RBM19: variants seen among roughly 807,000 people sequenced by gnomAD.
The protein encoded by RBM19 is RNA binding motif protein 19.
In RBM19, 94 loss-of-function variants were observed where a neutral mutation model predicts 116.8. That is an observed-to-expected ratio of 0.80 (90% CI 0.68 to 0.95). The LOEUF (loss-of-function observed/expected upper bound fraction) is 0.95. RBM19 is among the 40% of genes least tolerant of loss of function. The probability of loss-of-function intolerance (pLI) is 0.00; values close to 1 mark genes in which losing one functional copy is unlikely to be tolerated. For synonymous variants in RBM19, 475 were observed against 494.1 expected (o/e 0.96, Z 0.51); for missense variants, 1,161 against 1,220.7 (o/e 0.95, Z 0.73).
At chr12:113,904,373 G>C (rs1242201593) in intron 21 of RBM19, among the ~76,000 whole-genome samples, 1 of 152,190 alleles carries the variant, frequency 6.6e-6, no homozygotes, top group African/African-American at 2.4e-5. Context: ...GACAGCACAG[G>C]AAGAGTATCT....
intron 22 of RBM19, among the ~76,000 whole-genome samples, chr12:113,851,981 G>C (rs1246546732): frequency 6.6e-6 from 1 of 152,032 alleles, no homozygotes; most frequent in South Asian, 2.1e-4. Flanking sequence ...AACCGAGGAG[G>C]TGGAGGTTGC....
At chr12:113,935,990 C>G (rs1382582512) in intron 16 of RBM19, among the ~76,000 whole-genome samples, 2 of 151,892 alleles carry the variant, frequency 1.3e-5, no homozygotes, top group South Asian at 4.2e-4. Context: ...GAGCCAAGAT[C>G]GCGCACTCCA....
In RBM19 at chr12:113,927,224, CA is replaced by C; in HGVS notation, c.2073del (p.Asp692MetfsTer55). 6.4e-7 allele frequency: 1 copy of C among 1,556,790 alleles called. No individual in the cohort carries two copies. The highest frequency in any genetic ancestry group is 1.2e-5 in the South Asian group (1 of 84,560). On this transcript the variant is annotated frameshift_variant, in exon 17 of 24. Transcript: ENST00000261741. LOFTEE classifies it high-confidence loss of function. ...EKDPAEPETV[P>X]DGETPEDENP... Reference sequence around the variant, plus strand: ...TTTTCATCTTCTGGGGTTTCGCCATCAGGCACTGAACCCCCATCAAAACAAA... The same window carrying C: ...TTTTCATCTTCTGGGGTTTCGCCATCGGCACTGAACCCCCATCAAAACAAA...
At chr12:113,859,171 C>G (rs1945656256) in intron 21 of RBM19, among the ~76,000 whole-genome samples, 1 of 152,212 alleles carries the variant, frequency 6.6e-6, no homozygotes, top group South Asian at 2.1e-4. Flanking sequence ...TCCCTGCCCC[C>G]ATGGGGCCCC....
chr12:113,924,501 T>C (rs1210647190), intron 18 of RBM19, among the ~76,000 whole-genome samples, 196 bp downstream of exon 18: 1 of 152,100 alleles, frequency 6.6e-6, no homozygotes, highest in African/African-American at 2.4e-5. Context: ...CTGCTTCGAC[T>C]GGAAAGGAGA....
chr12:113,959,438 G>C (rs776616573), intron 4 of RBM19, 34 bp from the exon 5 acceptor site: 1 of 1,582,078 alleles, frequency 6.3e-7, no homozygotes, highest in Non-Finnish European at 8.6e-7. Context: ...GCAGGGACAC[G>C]GGAAAAAGAG....
intron 22 of RBM19, among the ~76,000 whole-genome samples, chr12:113,855,855 T>C (rs142294901): frequency 1.1e-3 from 174 of 152,312 alleles, no homozygotes; most frequent in African/African-American, 3.8e-3. Context: ...GTGTGGACGA[T>C]TCTACGGGTC....
At position 113,867,320 on chromosome 12, in the gene RBM19, C is replaced by T. The variant is rs192444047; in HGVS notation, c.2559-8424G>A. Among the ~76,000 whole-genome samples the T allele has an allele frequency of 1.2e-4, 18 of 152,360 alleles. No homozygotes were observed. In the East Asian group the frequency reaches 3.5e-3, roughly 29 times the overall value. ...CAATTTGAAGCTTGGTAGGAATTTT[C>T]ATGGGACTCATCATTCAGATACTAT... is the stretch of plus-strand genomic sequence containing the variant. On this transcript the variant is annotated intron_variant, in intron 21 of 23. Coordinates refer to ENST00000261741, the MANE Select transcript of RBM19 (RefSeq NM_016196.4).
At chr12:113,878,957 G>A (rs770192629) in intron 21 of RBM19, among the ~76,000 whole-genome samples, 1 of 152,126 alleles carries the variant, frequency 6.6e-6, no homozygotes, top group Non-Finnish European at 1.5e-5. Flanking sequence ...AATTAGTTCT[G>A]GAGTGACAGC....
At chr12:113,889,915 C>T (rs1299753079) in intron 21 of RBM19, among the ~76,000 whole-genome samples, 1 of 151,560 alleles carries the variant, frequency 6.6e-6, no homozygotes, top group Non-Finnish European at 1.5e-5. Flanking sequence ...AAAGAAAAGG[C>T]GTAATCGATC....
At chr12:113,955,414 G>C (rs1297106649) in intron 6 of RBM19, among the ~76,000 whole-genome samples, 1 of 139,998 alleles carries the variant, frequency 7.1e-6, no homozygotes, top group Non-Finnish European at 1.5e-5. Context: ...ATGTGCCCCT[G>C]AGACGAGGGC....
At chr12:113,872,147 C>G (rs1432889092) in intron 21 of RBM19, among the ~76,000 whole-genome samples, 1 of 147,192 alleles carries the variant, frequency 6.8e-6, no homozygotes, top group Admixed American at 6.8e-5. Flanking sequence ...CGCCCATCGT[C>G]TGAGATGTGG....
chr12:113,945,873 G>C lies in RBM19; in HGVS notation c.1581C>G (p.Ala527=). 6.3e-7 allele frequency: 1 copy of C among 1,594,032 alleles called. No homozygotes were observed. Among genetic ancestry groups the C allele is most frequent in the Non-Finnish European group, 8.6e-7 (1 of 1,161,734 alleles). The change falls in exon 13 of 24, where the codon GCC becomes GCG. Residue 527 remains alanine, a synonymous_variant. Transcript: ENST00000261741. ...LFMGPNAVAD[A]IAQKYNATKS... ...TGGTGGCGTTGTACTTCTGTGCGAT[G>C]GCATCGGCCACGGCATTCGGCCCCA...
intron 8 of RBM19, 61 bp downstream of exon 8, chr12:113,952,451 C>T: frequency 1.4e-6 from 2 of 1,457,252 alleles, no homozygotes; most frequent in Non-Finnish European, 1.9e-6. Flanking sequence ...TATTCAAGTA[C>T]CCCAACCTTC....
At chr12:113,830,634 AT>A (rs2135691508) in intron 23 of RBM19, among the ~76,000 whole-genome samples, 1 of 130,262 alleles carries the variant, frequency 7.7e-6, no homozygotes, top group African/African-American at 2.9e-5. Context: ...ACATGTTTGT[AT>A]TAGTTACAGA....
chr12:113,818,479 G>A (rs935269339), downstream of RBM19, among the ~76,000 whole-genome samples: 2 of 152,126 alleles, frequency 1.3e-5, no homozygotes, highest in Non-Finnish European at 1.5e-5. Context: ...TCCCTATCCC[G>A]CCCCAGCCTC....
intron 18 of RBM19, among the ~76,000 whole-genome samples, chr12:113,921,955 C>T (rs1868616393): frequency 6.6e-6 from 1 of 152,218 alleles, no homozygotes; most frequent in Non-Finnish European, 1.5e-5. Context: ...TGGGATCAGC[C>T]AGCAAGAGGC....
intron 8 of RBM19, among the ~76,000 whole-genome samples, chr12:113,950,647 C>G (rs1195185781): frequency 3.3e-5 from 5 of 149,770 alleles, no homozygotes; most frequent in African/African-American, 1.3e-4. Flanking sequence ...CTCTTTGGGC[C>G]TCAAACCTGT....
intron 6 of RBM19, among the ~76,000 whole-genome samples, chr12:113,956,411 T>C (rs1448041755): frequency 3.3e-5 from 5 of 151,438 alleles, no homozygotes; most frequent in Admixed American, 3.3e-4. Flanking sequence ...TGAAACTCCA[T>C]CTCTACTAAA....
Sources: allele counts gnomAD v4.1 joint callset (sites outside exome capture counted in the v4.1 genomes callset), GRCh38; gene constraint gnomAD v4.1.1; transcripts MANE v1.5; gene names NCBI Gene and HGNC (gene_info 2026-07-23, HGNC 2026-07-21).